Variants in NCALD observed in about 807,000 individuals in gnomAD.
The protein encoded by NCALD is neurocalcin-delta.
Under a neutral mutation model 18.6 loss-of-function variants are expected in NCALD, and 10 were observed. That is an observed-to-expected ratio of 0.54 (90% confidence interval 0.33 to 0.91). NCALD has a LOEUF of 0.91. Ranked by LOEUF, NCALD falls within the 40% of genes least tolerant of loss-of-function variation. The pLI is 0.03. For missense variants in NCALD, 184 were observed against 247.6 expected (o/e 0.74, Z 1.72); for synonymous variants, 88 against 87.4 (o/e 1.01, Z -0.04).
chr8:101,743,625 T>TA (rs1312356032), intron 1 of NCALD, among the ~76,000 whole-genome samples: 6 of 152,228 alleles, frequency 3.9e-5, no homozygotes, highest in African/African-American at 1.4e-4. Context: ...TTCCCTGGAC[T>TA]ACCTCAAATA....
chr8:102,002,909 C>T (rs1034565070), intron 2 of NCALD, among the ~76,000 whole-genome samples: 15 of 151,892 alleles, frequency 9.9e-5, no homozygotes, highest in African/African-American at 3.6e-4. Context: ...GCACTAAGGG[C>T]CCACAAGAGA....
intron 1 of NCALD, among the ~76,000 whole-genome samples, chr8:101,757,646 C>T (rs774836025): frequency 7.9e-5 from 12 of 152,016 alleles, no homozygotes; most frequent in Middle Eastern, 3.2e-3. Flanking sequence ...TCTTCATCAC[C>T]CCAGTTCTAG....
intron 1 of NCALD, among the ~76,000 whole-genome samples, chr8:102,116,540 T>C (rs1825793408): frequency 6.6e-6 from 1 of 152,150 alleles, no homozygotes; most frequent in African/African-American, 2.4e-5. Flanking sequence ...TGGAGTGCAG[T>C]GGGGTCAACA....
chr8:101,997,786 G>A (rs1030048601), intron 2 of NCALD, among the ~76,000 whole-genome samples: 3 of 152,144 alleles, frequency 2.0e-5, no homozygotes, highest in Non-Finnish European at 2.9e-5. Context: ...ATTTAAGATC[G>A]TGTTGTTTTG....
chr8:101,817,313 T>C (rs551729933), intron 4 of NCALD, among the ~76,000 whole-genome samples: 1 of 152,280 alleles, frequency 6.6e-6, no homozygotes, highest in South Asian at 2.1e-4. Flanking sequence ...AAGCGCTTGA[T>C]TAGGATGCCA....
rs978616853 is a variant in NCALD, at chr8:101,689,817, C to A, written c.485-411G>T. Among the ~76,000 whole-genome samples, 1 of 152,222 alleles carries A rather than the reference C, an allele frequency of 6.6e-6. No homozygotes were observed. The highest frequency in any genetic ancestry group is 1.5e-5 in the Non-Finnish European group (1 of 68,046). On this transcript the variant is annotated intron_variant, in intron 3 of 3. Transcript: ENST00000220931. This position sits in a 1 kb window ranked among gnomAD's most constrained non-coding sequence, Gnocchi z 4.4. ...ATGAGAATGAGCTGGGCCCTGGCAG[C>A]ACCCGGTTGGTTCCCATAATGTTCC...
chr8:101,777,479 T>A lies in NCALD; in HGVS notation c.-20+13383A>T, dbSNP rs143104697. Among the ~76,000 whole-genome samples the A allele has an allele frequency of 8.9e-3, 1,361 of 152,340 alleles. 11 individuals are homozygous for A. Among genetic ancestry groups the A allele is most frequent in the Middle Eastern group, 0.041 (12 of 294 alleles). Reference sequence around the variant, plus strand: ...CTGGTTGAGGCAGATATTGTGGATCTGATGAATGGAATTGGCTCATGTGAC... The same window carrying A: ...CTGGTTGAGGCAGATATTGTGGATCAGATGAATGGAATTGGCTCATGTGAC... On this transcript the variant is annotated intron_variant, in intron 1 of 3. Coordinates refer to ENST00000220931, the MANE Select transcript of NCALD (RefSeq NM_032041.3).
At chr8:101,734,221 A>G (rs1434815495) in intron 1 of NCALD, among the ~76,000 whole-genome samples, 1 of 152,090 alleles carries the variant, frequency 6.6e-6, no homozygotes, top group East Asian at 1.9e-4. Flanking sequence ...CCTCCTTTCC[A>G]ACTCAACCTC....
intron 1 of NCALD, among the ~76,000 whole-genome samples, chr8:102,051,668 A>G (rs1271230934): frequency 1.3e-5 from 2 of 152,296 alleles, no homozygotes; most frequent in East Asian, 3.9e-4. Context: ...TGCTTTTCCA[A>G]TGTTCCTGAG....
rs373173363 is a variant in NCALD at position 101,894,314 on chromosome 8, C to T, written c.-106-7087G>A. Among the ~76,000 whole-genome samples, 191 of 125,318 alleles carry T rather than the reference C, an allele frequency of 1.5e-3. 7 individuals carry two copies. Among genetic ancestry groups the T allele is most frequent in the African/African-American group, 5.7e-3 (151 of 26,676 alleles). The allele number at this position is 125,318 out of a possible 152,430, so 82.2% of individuals were successfully genotyped here. ...AAATAAAGATGTTCTTTGAAACCAA[C>T]GAGAACAAAGACACAACATACCAGA... is the stretch of plus-strand genomic sequence containing the variant. On this transcript the variant is annotated intron_variant, in intron 3 of 6. Transcript: ENST00000311028.
chr8:101,984,308 A>G (rs958531458), intron 2 of NCALD, among the ~76,000 whole-genome samples: 2 of 152,348 alleles, frequency 1.3e-5, no homozygotes, highest in South Asian at 4.1e-4. Flanking sequence ...ATAGACATAG[A>G]CTTCTTCCAA....
intron 4 of NCALD, among the ~76,000 whole-genome samples, chr8:101,847,680 T>C (rs927126412): frequency 4.6e-5 from 7 of 152,188 alleles, no homozygotes; most frequent in Non-Finnish European, 1.0e-4. Flanking sequence ...ATGGAAAATA[T>C]ATGTTTCCTA....
At chr8:101,753,591 C>A (rs1051803118) in intron 1 of NCALD, among the ~76,000 whole-genome samples, 4 of 152,172 alleles carry the variant, frequency 2.6e-5, no homozygotes, top group Non-Finnish European at 4.4e-5. Flanking sequence ...CATGGACTGG[C>A]TTGGGAAGGG....
At chr8:101,812,522 C>G (rs561287269) in intron 4 of NCALD, among the ~76,000 whole-genome samples, 2 of 152,176 alleles carry the variant, frequency 1.3e-5, no homozygotes, top group South Asian at 2.1e-4. Flanking sequence ...TTTCTCCAAG[C>G]AATTTTTCAT....
At chr8:101,713,442 G>A (rs1303457486) in intron 2 of NCALD, among the ~76,000 whole-genome samples, 1 of 149,020 alleles carries the variant, frequency 6.7e-6, no homozygotes, top group African/African-American at 2.5e-5. Flanking sequence ...AGAACTGAAG[G>A]AGATAGAGAC....
At chr8:102,111,855 TAA>T (rs1825651316) in intron 1 of NCALD, among the ~76,000 whole-genome samples, 1 of 152,136 alleles carries the variant, frequency 6.6e-6, no homozygotes. Context: ...AATCTTTACG[TAA>T]AAATAGGGGA....
intron 1 of NCALD, among the ~76,000 whole-genome samples, chr8:102,107,106 A>C (rs1013582984): frequency 3.3e-5 from 5 of 150,324 alleles, no homozygotes; most frequent in African/African-American, 1.2e-4. Flanking sequence ...TAAAAAAAAA[A>C]CTGATTTTAC....
intron 2 of NCALD, among the ~76,000 whole-genome samples, chr8:101,966,837 G>C (rs1459973304): frequency 2.0e-5 from 3 of 151,984 alleles, no homozygotes; most frequent in Non-Finnish European, 2.9e-5. Context: ...GATGAAGATG[G>C]AAATAACCAT....
chr8:101,992,878 C>A (rs1412968987), intron 2 of NCALD, among the ~76,000 whole-genome samples: 1 of 151,532 alleles, frequency 6.6e-6, no homozygotes, highest in Admixed American at 6.6e-5. Flanking sequence ...GAGTGATTTT[C>A]CAGGATTTTT....
Sources: gnomAD v4.1 joint callset for allele counts (sites outside exome capture counted in the v4.1 genomes callset) on GRCh38, gnomAD v4.1.1 for gene constraint, Gnocchi (gnomAD v3.1) non-coding constraint, MANE v1.5 for transcripts, NCBI Gene and HGNC (gene_info 2026-07-23, HGNC 2026-07-21) for gene names.